Variants in TAGLN3 observed in about 807,000 individuals in gnomAD.
The protein encoded by TAGLN3 is transgelin 3.
TAGLN3 carries 12 observed loss-of-function variants against 25.4 expected under a neutral mutation model. The observed-to-expected ratio is 0.47, with a 90% CI of 0.30 to 0.77. The LOEUF is 0.77. Ranked by LOEUF, TAGLN3 falls within the 30% of genes least tolerant of loss-of-function variation. The probability of loss-of-function intolerance (pLI) is 0.06; values close to 1 mark genes in which losing one functional copy is unlikely to be tolerated. For missense variants in TAGLN3, 218 were observed against 255.8 expected (o/e 0.85, Z 1.01); for synonymous variants, 96 against 94.8 (o/e 1.01, Z -0.08).
Position 112,000,716 on chromosome 3 carries a change from C to T in TAGLN3, c.181-56C>T, listed in dbSNP as rs1401644770. 5.1e-6 allele frequency: 8 copies of T among 1,570,560 alleles called. No individual in the cohort carries two copies. In the East Asian group the frequency reaches 1.8e-4, roughly 35 times the overall value. On this transcript the variant is annotated intron_variant, in intron 2 of 4. Transcript: ENST00000478951. ...ACGTGAGCAGGATTCACTTCTCATT[C>T]TTGACCTGTAAATACAAAGGGAAAC... is the stretch of plus-strand genomic sequence containing the variant.
rs984015068 is a variant in TAGLN3 at position 112,007,950 on chromosome 3, G to T, written c.356-3813G>T. On this transcript the variant is annotated intron_variant, in intron 3 of 4. Coordinates refer to ENST00000478951, the MANE Select transcript of TAGLN3 (RefSeq NM_001008272.2). ...TGCCTCACAATCATCCCAGGAGACT[G>T]CCCCAGAATCTGAATATTTAAGATT... Among the ~76,000 whole-genome samples the T allele has an allele frequency of 3.9e-5, 6 of 152,150 alleles. No homozygotes were observed. In the South Asian group the frequency reaches 1.2e-3, roughly 32 times the overall value.
In TAGLN3 at chr3:112,013,453, C is replaced by T; in HGVS notation, c.502C>T (p.Arg168Cys). 6.2e-7 allele frequency: 1 copy of T among 1,614,002 alleles called. No homozygotes were observed. The highest frequency in any genetic ancestry group is 8.5e-7 in the Non-Finnish European group (1 of 1,179,918). The part of the protein sequence containing the change: ...NRRGFSEEQL[R>C]QGQNVIGLQM... ...GAGAGGCTTTTCCGAGGAGCAGCTT[C>T]GCCAGGGACAGAACGTAATAGGCCT... Residue 168 changes from arginine to cysteine, a missense_variant, in exon 5 of 5, where the codon CGC becomes TGC. By Grantham distance (180) the Arg-to-Cys change is radical. Transcript: ENST00000478951.
intron 3 of TAGLN3, among the ~76,000 whole-genome samples, chr3:112,009,375 G>A (rs1476528184): frequency 1.3e-5 from 2 of 152,172 alleles, no homozygotes; most frequent in African/African-American, 4.8e-5. Flanking sequence ...TGATTCTACA[G>A]GGCCTGAAAT....
rs2073001932 is a variant in TAGLN3, at chr3:112,013,563, C to T, written c.*12C>T. ...GGCAGATCATGTAGGACGCGGCATC[C>T]TGCCCCTGGTAGAGAGGACGAATGT... On this transcript the variant is annotated 3_prime_UTR_variant, in exon 5 of 5. Coordinates refer to ENST00000478951, the MANE Select transcript of TAGLN3 (RefSeq NM_001008272.2). 2 of 1,613,954 alleles carry T rather than the reference C, an allele frequency of 1.2e-6. No individual in the cohort carries two copies. Among genetic ancestry groups the T allele is most frequent in the Non-Finnish European group, 1.7e-6 (2 of 1,179,952 alleles).
In TAGLN3 at chr3:112,000,693, G is replaced by A. The variant is rs994524509; in HGVS notation, c.181-79G>A. 2.5e-5 allele frequency: 37 copies of A among 1,481,460 alleles called. 1 individual carries two copies. Among genetic ancestry groups the A allele is most frequent in the Non-Finnish European group, 3.2e-5 (35 of 1,079,100 alleles). 91.8% of individuals were successfully genotyped at this position (1,481,460 alleles called of 1,614,324 possible). A position where few individuals can be genotyped will look rare whatever the true frequency, so the allele number is the denominator to read the frequency against. ...CCAAACTGGATGAGCAGTGTCCCACGTGAGCAGGATTCACTTCTCATTCTT... is the reference window on the plus strand; with the variant it reads ...CCAAACTGGATGAGCAGTGTCCCACATGAGCAGGATTCACTTCTCATTCTT... On this transcript the variant is annotated intron_variant, in intron 2 of 4. Transcript: ENST00000478951.
intron 3 of TAGLN3, among the ~76,000 whole-genome samples, chr3:112,010,774 GTC>G (rs1160292460): frequency 1.3e-5 from 2 of 152,170 alleles, no homozygotes; most frequent in South Asian, 2.1e-4. Context: ...TCAGCTTTCT[GTC>G]TCTCCTCTTC....
chr3:112,004,031 A>G (rs2072890828), intron 3 of TAGLN3, among the ~76,000 whole-genome samples: 2 of 152,250 alleles, frequency 1.3e-5, no homozygotes, highest in African/African-American at 4.8e-5. Context: ...GAAGGCTTTA[A>G]AATGAAACCC....
intron 4 of TAGLN3, 137 bp from the exon 5 acceptor site, chr3:112,013,273 T>C (rs1432498005): frequency 2.6e-6 from 3 of 1,141,000 alleles, no homozygotes; most frequent in African/African-American, 1.6e-5. Context: ...AGTAGGGCCA[T>C]AGCTCATAAC....
chr3:112,003,118 G>T (rs1175344725), intron 3 of TAGLN3, among the ~76,000 whole-genome samples: 1 of 152,218 alleles, frequency 6.6e-6, no homozygotes, highest in Non-Finnish European at 1.5e-5. Flanking sequence ...GGTAGGTCAT[G>T]CAGTAGGTAG....
intron 3 of TAGLN3, among the ~76,000 whole-genome samples, chr3:112,009,111 G>T (rs193114965): frequency 5.8e-4 from 89 of 152,274 alleles, no homozygotes; most frequent in African/African-American, 2.1e-3. Context: ...TTACCATGAG[G>T]TCAGCACCAA....
At chr3:112,010,545 C>T (rs907728159) in intron 3 of TAGLN3, among the ~76,000 whole-genome samples, 2 of 152,136 alleles carry the variant, frequency 1.3e-5, no homozygotes, top group South Asian at 4.1e-4. Context: ...ACAACAACTT[C>T]TGTGTTTCTT....
chr3:112,013,331 A>C (rs992813848), intron 4 of TAGLN3, 79 bp from the exon 5 acceptor site: 37 of 1,534,048 alleles, frequency 2.4e-5, no homozygotes, highest in Non-Finnish European at 3.2e-5. Context: ...CCCCCAGCAG[A>C]GCCTGTCTAA....
chr3:112,000,956 C>T lies in TAGLN3; in HGVS notation c.355+10C>T, dbSNP rs1324827877. On this transcript the variant is annotated intron_variant, in intron 3 of 4. Coordinates refer to ENST00000478951, the MANE Select transcript of TAGLN3 (RefSeq NM_001008272.2). ...GTGGATCTATGGGAAGGTAAACAGCCCCCTGGCCTTTGGGATTGTTCTTTT... is the reference window on the plus strand; with the variant it reads ...GTGGATCTATGGGAAGGTAAACAGCTCCCTGGCCTTTGGGATTGTTCTTTT... The T allele has an allele frequency of 6.2e-7, 1 of 1,612,192 alleles. No individual in the cohort carries two copies. The highest frequency in any genetic ancestry group is 1.7e-5 in the Admixed American group (1 of 59,950).
chr3:111,999,622 C>G lies in TAGLN3; in HGVS notation c.180+20C>G, dbSNP rs750700162. 1.2e-6 allele frequency: 2 copies of G among 1,608,316 alleles called. No homozygotes were observed. The highest frequency in any genetic ancestry group is 1.7e-6 in the Non-Finnish European group (2 of 1,176,058). On this transcript the variant is annotated intron_variant, in intron 2 of 4. Transcript: ENST00000478951. ...GGGACGGTAAGGCCGGCAGCGATCTCGGTTGCTGGGGCGGTGGGCAGGGAA... is the reference window on the plus strand; with the variant it reads ...GGGACGGTAAGGCCGGCAGCGATCTGGGTTGCTGGGGCGGTGGGCAGGGAA...
chr3:112,004,989 T>A (rs1342422585), intron 3 of TAGLN3, among the ~76,000 whole-genome samples: 5 of 152,188 alleles, frequency 3.3e-5, no homozygotes, highest in South Asian at 2.1e-4. Flanking sequence ...CACTTTGTGA[T>A]CATTACCCTC....
At chr3:112,009,024 G>A (rs2072948417) in intron 3 of TAGLN3, among the ~76,000 whole-genome samples, 1 of 152,128 alleles carries the variant, frequency 6.6e-6, no homozygotes, top group Non-Finnish European at 1.5e-5. Context: ...GAAAGAGGGA[G>A]CAAGAGACAG....
At chr3:112,007,267 A>C (rs2072928322) in intron 3 of TAGLN3, among the ~76,000 whole-genome samples, 2 of 152,208 alleles carry the variant, frequency 1.3e-5, no homozygotes, top group Non-Finnish European at 2.9e-5. Context: ...ATCATCCAAA[A>C]TACATAGTTT....
intron 3 of TAGLN3, among the ~76,000 whole-genome samples, chr3:112,007,666 C>T (rs2072932485): frequency 6.6e-6 from 1 of 152,156 alleles, no homozygotes; most frequent in African/African-American, 2.4e-5. Flanking sequence ...CTTGAGGAGC[C>T]CCAGCCATCT....
intron 3 of TAGLN3, among the ~76,000 whole-genome samples, chr3:112,002,669 G>T (rs1047996345): frequency 6.6e-6 from 1 of 151,696 alleles, no homozygotes; most frequent in South Asian, 2.1e-4. Context: ...CAAAGTGCAG[G>T]AAGTGTGTGG....
Sources: allele counts gnomAD v4.1 joint callset (sites outside exome capture counted in the v4.1 genomes callset), GRCh38; gene constraint gnomAD v4.1.1; transcripts MANE v1.5; gene names NCBI Gene and HGNC (gene_info 2026-07-23, HGNC 2026-07-21).